Variants in WHRN observed in about 807,000 individuals in gnomAD.
WHRN encodes the protein CASK-interacting protein CIP98.
Under a neutral mutation model 68.3 loss-of-function variants are expected in WHRN, and 41 were observed. The observed-to-expected ratio is 0.60, with a 90% CI of 0.47 to 0.78. The LOEUF (loss-of-function observed/expected upper bound fraction) is 0.78. Ranked by LOEUF, WHRN falls within the 30% of genes least tolerant of loss-of-function variation. The probability of loss-of-function intolerance (pLI) is 0.00; values close to 1 mark genes in which losing one functional copy is unlikely to be tolerated. For synonymous variants in WHRN, 560 were observed against 561.3 expected (o/e 1.00, Z 0.03); for missense variants, 1,243 against 1,244.7 (o/e 1.00, Z 0.02).
At chr9:114,407,239 T>C (rs985628068) in intron 8 of WHRN, among the ~76,000 whole-genome samples, 1 of 152,140 alleles carries the variant, frequency 6.6e-6, no homozygotes, top group Non-Finnish European at 1.5e-5. Context: ...TTGGCTTTTC[T>C]TTTTAGGGGG....
At chr9:114,423,037 T>TA (rs1836451966) in intron 7 of WHRN, among the ~76,000 whole-genome samples, 1 of 151,334 alleles carries the variant, frequency 6.6e-6, no homozygotes, top group Non-Finnish European at 1.5e-5. Context: ...TTTTTTTTTT[T>TA]AACCTTTCTC....
chr9:114,489,459 CACAT>C (rs1356622139), intron 1 of WHRN, among the ~76,000 whole-genome samples: 3 of 108,554 alleles, frequency 2.8e-5, no homozygotes, highest in Non-Finnish European at 6.0e-5. Context: ...GCACCACACA[CACAT>C]ACACACACAC....
chr9:114,498,100 C>T (rs981350957), intron 1 of WHRN, among the ~76,000 whole-genome samples: 2 of 152,154 alleles, frequency 1.3e-5, no homozygotes, highest in Non-Finnish European at 2.9e-5. Flanking sequence ...AATTCACTAG[C>T]GCTGGATTAG....
At chr9:114,437,872 T>A (rs796978183) in intron 3 of WHRN, among the ~76,000 whole-genome samples, 3 of 152,188 alleles carry the variant, frequency 2.0e-5, no homozygotes, top group Non-Finnish European at 4.4e-5. Flanking sequence ...AAGGGCCAGT[T>A]AGCTCTAATA....
intron 2 of WHRN, among the ~76,000 whole-genome samples, chr9:114,467,336 G>A (rs1840796066): frequency 6.6e-6 from 1 of 152,136 alleles, no homozygotes; most frequent in Non-Finnish European, 1.5e-5. Context: ...GGGGCCCGCA[G>A]TCTAGTGGTA....
chr9:114,436,734 C>T (rs1216771464), intron 3 of WHRN, among the ~76,000 whole-genome samples: 1 of 151,998 alleles, frequency 6.6e-6, no homozygotes, highest in African/African-American at 2.4e-5. Context: ...GAGGCTGAGG[C>T]AGGAGAATGG....
intron 3 of WHRN, among the ~76,000 whole-genome samples, chr9:114,445,037 G>GTTATTATTATTA (rs566119848): frequency 4.9e-4 from 74 of 150,800 alleles, no homozygotes; most frequent in African/African-American, 1.7e-3. Context: ...GTTTTTTAAT[G>GTTATTATTATTA]TTATTATTAT....
intron 3 of WHRN, among the ~76,000 whole-genome samples, chr9:114,460,564 A>C (rs1056723810): frequency 6.6e-6 from 1 of 152,186 alleles, no homozygotes; most frequent in African/African-American, 2.4e-5. Context: ...GCAAAGAAAT[A>C]AGAGATCCGA....
chr9:114,431,557 C>A (rs1177932959), intron 3 of WHRN, among the ~76,000 whole-genome samples: 1 of 152,232 alleles, frequency 6.6e-6, no homozygotes, highest in Non-Finnish European at 1.5e-5. Context: ...GGGGACCCGG[C>A]CTTCCTCCTC....
intron 2 of WHRN, among the ~76,000 whole-genome samples, chr9:114,466,964 T>C (rs2132968658): frequency 6.8e-6 from 1 of 146,444 alleles, no homozygotes. Context: ...GTCTCCTGTC[T>C]CCCCAAGGGT....
chr9:114,489,457 CACACAT>C (rs1286583532), intron 1 of WHRN, among the ~76,000 whole-genome samples: 2 of 108,298 alleles, frequency 1.8e-5, no homozygotes, highest in Non-Finnish European at 4.0e-5. Flanking sequence ...AGGCACCACA[CACACAT>C]ACACACACAC....
chr9:114,446,267 T>C (rs1480324353), intron 3 of WHRN, among the ~76,000 whole-genome samples: 6 of 152,328 alleles, frequency 3.9e-5, no homozygotes, highest in East Asian at 1.9e-4. Context: ...CTATGATTCA[T>C]TGATATGAAA....
chr9:114,423,875 G>A (rs1189048082), intron 6 of WHRN, among the ~76,000 whole-genome samples: 6 of 152,094 alleles, frequency 3.9e-5, no homozygotes, highest in Non-Finnish European at 5.9e-5. Context: ...TAAGTCTTCC[G>A]AAACATAACC....
intron 7 of WHRN, 128 bp downstream of exon 7, chr9:114,423,186 C>T (rs1836468322): frequency 2.0e-6 from 2 of 999,920 alleles, no homozygotes; most frequent in Non-Finnish European, 3.2e-6. Context: ...AACTGAGGCT[C>T]AGAGAGGCAA....
At chr9:114,466,149 T>C in intron 3 of WHRN, 118 bp downstream of exon 3, 1 of 1,517,970 alleles carries the variant, frequency 6.6e-7, no homozygotes, top group Non-Finnish European at 9.0e-7. Context: ...CAGGGAGGGC[T>C]CCCCAGCTGG....
chr9:114,413,676 GCT>G (rs1336061656), intron 7 of WHRN, among the ~76,000 whole-genome samples: 7 of 152,200 alleles, frequency 4.6e-5, no homozygotes, highest in Non-Finnish European at 1.0e-4. Context: ...CCCCGCACTG[GCT>G]GGTGTGGCTG....
chr9:114,424,532 C>G lies in WHRN; in HGVS notation c.1218G>C (p.Lys406Asn), dbSNP rs1446056027. Residue 406 changes from lysine to asparagine, a missense_variant, in exon 6 of 12, where the codon AAG becomes AAC. By Grantham distance (94) the Lys-to-Asn change is moderately conservative. Transcript: ENST00000362057. ...GGGTCACCTGGGAGCCGGCTGGGCC[C>G]TTGTAAAATCCTGGCTGCAAGACAG... ...TEGINKPGFY[K>N]GPAGSQVTLS... is the part of the protein sequence containing the mutation. 6.2e-6 allele frequency: 10 copies of G among 1,612,388 alleles called. No individual in the cohort carries two copies. The highest frequency in any genetic ancestry group is 7.6e-6 in the Non-Finnish European group (9 of 1,179,240).
chr9:114,430,910 C>T (rs1021775230), intron 3 of WHRN, among the ~76,000 whole-genome samples: 10 of 152,260 alleles, frequency 6.6e-5, no homozygotes, highest in Admixed American at 1.3e-4. Context: ...CAGGGCCCTC[C>T]GCAGCATGTG....
chr9:114,411,104 T>C (rs1381163538), intron 7 of WHRN, among the ~76,000 whole-genome samples: 1 of 152,180 alleles, frequency 6.6e-6, no homozygotes, highest in East Asian at 1.9e-4. Context: ...ATTGGGAGAC[T>C]GGGAGGCCTT....
Sources: gnomAD v4.1 joint callset for allele counts (sites outside exome capture counted in the v4.1 genomes callset) on GRCh38, gnomAD v4.1.1 for gene constraint, MANE v1.5 for transcripts, NCBI Gene and HGNC (gene_info 2026-07-23, HGNC 2026-07-21) for gene names.